Variants in CNTN5 observed in about 807,000 individuals in gnomAD.
CNTN5 encodes the protein contactin-5.
Under a neutral mutation model 129.1 loss-of-function variants are expected in CNTN5, and 77 were observed. The ratio of observed to expected loss-of-function variants is 0.60; its 90% CI spans 0.50 to 0.72. The LOEUF (loss-of-function observed/expected upper bound fraction) is 0.72, where lower values mean the gene tolerates loss of function less well. CNTN5 is among the 30% of genes least tolerant of loss of function. The probability of loss-of-function intolerance (pLI) is 0.00; values close to 1 mark genes in which losing one functional copy is unlikely to be tolerated. For missense variants in CNTN5, 1,478 were observed against 1,328.8 expected (o/e 1.11, Z -1.75); for synonymous variants, 509 against 465.6 (o/e 1.09, Z -1.20).
intron 3 of CNTN5, among the ~76,000 whole-genome samples, chr11:99,687,593 A>AT (rs889958788): frequency 1.3e-4 from 20 of 152,136 alleles, no homozygotes; most frequent in Admixed American, 5.9e-4. Flanking sequence ...GCTCATTCTA[A>AT]TTGCTCAAGT....
rs1310482701 is a variant in CNTN5 at position 99,824,607 on chromosome 11, T to C, written c.277+4842T>C. ...TTTTTTGATTTTGTGTAATGAGATATAGCAATATTTTCCTTTGTAGTCTGT... is the reference window on the plus strand; with the variant it reads ...TTTTTTGATTTTGTGTAATGAGATACAGCAATATTTTCCTTTGTAGTCTGT... On this transcript the variant is annotated intron_variant, in intron 4 of 24. Coordinates refer to ENST00000524871, the MANE Select transcript of CNTN5 (RefSeq NM_014361.4). Among the ~76,000 whole-genome samples, 4 of 151,936 alleles carry C rather than the reference T, an allele frequency of 2.6e-5. No individual in the cohort carries two copies. In the South Asian group the frequency reaches 6.2e-4, roughly 24 times the overall value.
intron 2 of CNTN5, among the ~76,000 whole-genome samples, chr11:99,533,272 G>A (rs1947781680): frequency 6.6e-6 from 1 of 152,134 alleles, no homozygotes; most frequent in Admixed American, 6.6e-5. Flanking sequence ...ACAAAACCCA[G>A]TTGGTAAAGT....
At chr11:100,045,963 TTTATTA>T (rs1163106038) in intron 9 of CNTN5, among the ~76,000 whole-genome samples, 1 of 152,008 alleles carries the variant, frequency 6.6e-6, no homozygotes, top group Non-Finnish European at 1.5e-5. Context: ...TTTATTTTAT[TTTATTA>T]TTATTATACT....
intron 3 of CNTN5, among the ~76,000 whole-genome samples, chr11:99,811,584 C>G (rs1946430239): frequency 1.3e-5 from 2 of 151,252 alleles, no homozygotes; most frequent in Non-Finnish European, 2.9e-5. Context: ...GAAAAGAATG[C>G]TATTAGTTCC....
rs76551582 is a variant in CNTN5 at position 99,307,381 on chromosome 11, T to A, written c.-209-17965T>A. On this transcript the variant is annotated intron_variant, in intron 1 of 24. Transcript: ENST00000524871. ...TTTGTTCTTGTTGTGTTTTGTTTTG[T>A]TTTTAGTAAGACAAGATGACACTTG... 9.2e-5 allele frequency among the ~76,000 whole-genome samples: 14 copies of A among 152,332 alleles called. No individual in the cohort carries two copies. The East Asian group carries it at 2.7e-3, about 29-fold the overall frequency.
chr11:100,153,202 C>T (rs964155386), intron 13 of CNTN5, among the ~76,000 whole-genome samples: 28 of 152,014 alleles, frequency 1.8e-4, no homozygotes, highest in Non-Finnish European at 3.2e-4. Context: ...TATAATGTTG[C>T]TACTTTTTGT....
intron 2 of CNTN5, among the ~76,000 whole-genome samples, chr11:99,392,158 T>C (rs1941294386): frequency 6.6e-6 from 1 of 151,570 alleles, no homozygotes; most frequent in African/African-American, 2.4e-5. Flanking sequence ...AAGTATGAAA[T>C]AATATGTAAT....
chr11:99,210,472 G>T lies in CNTN5; in HGVS notation c.-209-114874G>T, dbSNP rs146659891. On this transcript the variant is annotated intron_variant, in intron 1 of 24. Transcript: ENST00000524871. ...AGAGAAGAATTCAGAGGGAGAGCTG[G>T]CTCAGACTCAGCAGAAAAAGGTCCT... 3.7e-4 allele frequency among the ~76,000 whole-genome samples: 56 copies of T among 152,146 alleles called. No homozygotes were observed. In the East Asian group the frequency reaches 0.01, roughly 28 times the overall value.
chr11:99,502,657 C>G (rs1175426953), intron 2 of CNTN5, among the ~76,000 whole-genome samples: 1 of 152,150 alleles, frequency 6.6e-6, no homozygotes, highest in African/African-American at 2.4e-5. Context: ...TACCCAGTCT[C>G]AGGCAGTTTT....
intron 1 of CNTN5, among the ~76,000 whole-genome samples, chr11:99,058,365 T>C (rs1169114190): frequency 1.3e-5 from 2 of 152,020 alleles, no homozygotes; most frequent in East Asian, 1.9e-4. Flanking sequence ...TATATAAATA[T>C]GACAGCCATA....
At chr11:99,849,859 C>T (rs879379754) in intron 6 of CNTN5, among the ~76,000 whole-genome samples, 1 of 152,088 alleles carries the variant, frequency 6.6e-6, no homozygotes, top group Non-Finnish European at 1.5e-5. Context: ...TTTCCCTATT[C>T]CAGTATAAAT....
intron 13 of CNTN5, among the ~76,000 whole-genome samples, chr11:100,138,183 G>A (rs931786187): frequency 1.3e-4 from 19 of 151,898 alleles, no homozygotes; most frequent in African/African-American, 4.6e-4. Context: ...GTTGATTTAA[G>A]GGTACTTTTA....
At chr11:100,168,453 T>G (rs1409581419) in intron 13 of CNTN5, among the ~76,000 whole-genome samples, 6 of 151,992 alleles carry the variant, frequency 3.9e-5, no homozygotes, top group Non-Finnish European at 8.8e-5. Context: ...CTCTTGAGAA[T>G]TATGCTAAAT....
chr11:100,317,857 C>T (rs1468375069), intron 21 of CNTN5, among the ~76,000 whole-genome samples: 2 of 152,038 alleles, frequency 1.3e-5, no homozygotes, highest in African/African-American at 2.4e-5. Context: ...TGACACAAAC[C>T]ATTTTAAGAC....
intron 16 of CNTN5, among the ~76,000 whole-genome samples, chr11:100,237,873 GA>G (rs1565363694): frequency 1.3e-5 from 2 of 152,104 alleles, no homozygotes; most frequent in African/African-American, 2.4e-5. Context: ...ATTATTGATT[GA>G]GTATATCAGT....
At chr11:99,083,837 A>G (rs1475280887) in intron 1 of CNTN5, among the ~76,000 whole-genome samples, 3 of 152,168 alleles carry the variant, frequency 2.0e-5, no homozygotes, top group Non-Finnish European at 2.9e-5. Flanking sequence ...TGAGCACCGC[A>G]CCAGGCCCTT....
rs1263205105 is a variant in CNTN5, at chr11:99,967,782, C to A, written c.877+10773C>A. On this transcript the variant is annotated intron_variant, in intron 8 of 24. Transcript: ENST00000524871. ...CTGTAACAGTGTTGCTTCCAGTCTC[C>A]CTTCAGGGTCTTACTACCTCTGTCT... Among the ~76,000 whole-genome samples, 5 of 152,116 alleles carry A rather than the reference C, an allele frequency of 3.3e-5. No individual in the cohort carries two copies. The East Asian group carries it at 9.6e-4, about 29-fold the overall frequency.
chr11:100,120,339 C>T (rs1252078756), intron 13 of CNTN5, among the ~76,000 whole-genome samples: 2 of 151,946 alleles, frequency 1.3e-5, no homozygotes, highest in Non-Finnish European at 2.9e-5. Flanking sequence ...TCATTTCCTT[C>T]ATTTGATTTC....
intron 1 of CNTN5, among the ~76,000 whole-genome samples, chr11:99,143,116 T>C (rs1191914962): frequency 2.0e-5 from 3 of 151,980 alleles, no homozygotes; most frequent in Non-Finnish European, 4.4e-5. Flanking sequence ...CTTGGCCATA[T>C]TGGCTATTTC....
Sources: allele counts gnomAD v4.1 joint callset (sites outside exome capture counted in the v4.1 genomes callset), GRCh38; gene constraint gnomAD v4.1.1; transcripts MANE v1.5; gene names NCBI Gene and HGNC (gene_info 2026-07-23, HGNC 2026-07-21).